The following NCOA3 variants were observed in gnomAD, a reference collection of about 807,000 sequenced individuals.
NCOA3 encodes the protein nuclear receptor coactivator 3.
Under a neutral mutation model 158.8 loss-of-function variants are expected in NCOA3, and 51 were observed. That is an observed-to-expected ratio of 0.32 (90% CI 0.26 to 0.41). NCOA3 has a LOEUF of 0.41. Ranked by LOEUF, NCOA3 falls within the 10% of genes least tolerant of loss-of-function variation. NCOA3 has a pLI of 1.00. For missense variants in NCOA3, 1,510 were observed against 1,746.6 expected (o/e 0.86, Z 2.41); for synonymous variants, 537 against 592.4 (o/e 0.91, Z 1.36).
At chr20:47,530,000 G>A (rs567700957) in intron 1 of NCOA3, among the ~76,000 whole-genome samples, 81 of 152,294 alleles carry the variant, frequency 5.3e-4, no homozygotes, top group Middle Eastern at 3.4e-3. Flanking sequence ...ATGCAGGCAC[G>A]CTTATACTGC....
At position 47,640,062 on chromosome 20, in the gene NCOA3, A is replaced by C. The variant is rs760853046; in HGVS notation, c.3080+11A>C. On this transcript the variant is annotated intron_variant, in intron 16 of 22. Transcript: ENST00000371998. ...TGGCACTCAAAATAGGTGGGGTGTT[A>C]TTTTGTGACTCTGTAGAAAATCTCA... The C allele has an allele frequency of 1.2e-6, 2 of 1,614,074 alleles. No individual in the cohort carries two copies. Among genetic ancestry groups the C allele is most frequent in the Non-Finnish European group, 1.7e-6 (2 of 1,179,988 alleles).
chr20:47,534,388 G>A (rs1182728627), intron 1 of NCOA3, among the ~76,000 whole-genome samples: 1 of 152,036 alleles, frequency 6.6e-6, no homozygotes, highest in Non-Finnish European at 1.5e-5. Context: ...CCCACCACAA[G>A]ATGCTATATA....
At chr20:47,650,588 GCA>G (rs1361612153) in intron 19 of NCOA3, among the ~76,000 whole-genome samples, 1 of 151,834 alleles carries the variant, frequency 6.6e-6, no homozygotes, top group Non-Finnish European at 1.5e-5. Flanking sequence ...GTTTTGGCCG[GCA>G]CAGTGGCTCA....
At chr20:47,640,445 A>C (rs1321979361) in intron 16 of NCOA3, among the ~76,000 whole-genome samples, 1 of 152,268 alleles carries the variant, frequency 6.6e-6, no homozygotes, top group Admixed American at 6.5e-5. Flanking sequence ...CTTTTTTAAA[A>C]AAACTTTTCT....
chr20:47,595,465 G>A (rs1226009108), intron 2 of NCOA3, among the ~76,000 whole-genome samples: 1 of 152,138 alleles, frequency 6.6e-6, no homozygotes, highest in African/African-American at 2.4e-5. Context: ...CTTGGCTGGC[G>A]CTTAACTTGC....
At chr20:47,537,301 A>C (rs984277864) in intron 1 of NCOA3, among the ~76,000 whole-genome samples, 8 of 152,142 alleles carry the variant, frequency 5.3e-5, no homozygotes, top group Non-Finnish European at 8.8e-5. Context: ...TAGCGTTGTA[A>C]AGAACTTATC....
intron 1 of NCOA3, among the ~76,000 whole-genome samples, chr20:47,530,003 T>C (rs1341839295): frequency 6.6e-6 from 1 of 152,252 alleles, no homozygotes; most frequent in African/African-American, 2.4e-5. Flanking sequence ...CAGGCACGCT[T>C]ATACTGCTGG....
At chr20:47,593,334 A>ATT (rs71183267) in intron 2 of NCOA3, among the ~76,000 whole-genome samples, 1,967 of 63,730 alleles carry the variant, frequency 0.031, 499 homozygotes, top group African/African-American at 0.1. Context: ...GAGTTGATGG[A>ATT]TTTTTTTTTT....
At chr20:47,574,395 T>C (rs531118320) in intron 1 of NCOA3, among the ~76,000 whole-genome samples, 1 of 152,156 alleles carries the variant, frequency 6.6e-6, no homozygotes, top group African/African-American at 2.4e-5. Flanking sequence ...ACAGAGTAAT[T>C]ACTATGGTTT....
At position 47,633,149 on chromosome 20, in the gene NCOA3, C is replaced by T. The variant is rs187823184; in HGVS notation, c.824-347C>T. Among the ~76,000 whole-genome samples the T allele has an allele frequency of 4.4e-3, 667 of 152,304 alleles. 4 individuals are homozygous for T. The highest frequency in any genetic ancestry group is 7.0e-3 in the Non-Finnish European group (479 of 68,040). On this transcript the variant is annotated intron_variant, in intron 8 of 22. Coordinates refer to ENST00000371998, the MANE Select transcript of NCOA3 (RefSeq NM_181659.3). The stretch of plus-strand genomic sequence containing the variant: ...GATCTAGAGACCCCACCCTAAGTCT[C>T]CTCATCAGCATAAATTGAGGTGTGT...
At chr20:47,522,818 G>T (rs1339657569) in intron 1 of NCOA3, among the ~76,000 whole-genome samples, 2 of 151,706 alleles carry the variant, frequency 1.3e-5, no homozygotes, top group African/African-American at 2.4e-5. Context: ...CTAATGGCCT[G>T]CATTTGCATA....
Position 47,649,478 on chromosome 20 carries a change from AAATTATAAAGAAGAAAAT to A in NCOA3, c.3651+372_3651+389del, listed in dbSNP as rs370440251. On this transcript the variant is annotated intron_variant, in intron 19 of 22. Transcript: ENST00000371998. ...AACATGCACACTGGGTAAAATTCTG[AAATTATAAAGAAGAAAAT>A]AAAGAATACATAATCCTGTTCTCAG... 1.6e-4 allele frequency among the ~76,000 whole-genome samples: 25 copies of A among 152,328 alleles called. No homozygotes were observed. The Middle Eastern group carries it at 0.01, about 62-fold the overall frequency.
At chr20:47,613,215 T>C (rs2086070945) in intron 2 of NCOA3, among the ~76,000 whole-genome samples, 1 of 152,224 alleles carries the variant, frequency 6.6e-6, no homozygotes. Context: ...ACTGAAGTTG[T>C]ACTGTTTTCT....
intron 1 of NCOA3, among the ~76,000 whole-genome samples, chr20:47,565,041 G>A (rs3092785): frequency 0.018 from 2,783 of 152,184 alleles, 90 homozygotes; most frequent in African/African-American, 0.063. Context: ...AAGTGCAGTG[G>A]CACGATCTCG....
chr20:47,627,874 A>ATG, intron 7 of NCOA3, 48 bp from the exon 8 acceptor site: 1 of 1,586,776 alleles, frequency 6.3e-7, no homozygotes, highest in Non-Finnish European at 8.6e-7. Flanking sequence ...GAACATATAT[A>ATG]TCCAAAAGTT....
chr20:47,510,447 A>AAAAAAAAAAT (rs2084102097), intron 1 of NCOA3, among the ~76,000 whole-genome samples: 2 of 150,336 alleles, frequency 1.3e-5, no homozygotes, highest in Non-Finnish European at 3.0e-5. Flanking sequence ...AAAAAAAAAA[A>AAAAAAAAAAT]GTACACGATC....
chr20:47,555,632 GTTTT>G (rs74178745), intron 1 of NCOA3, among the ~76,000 whole-genome samples: 1 of 64,152 alleles, frequency 1.6e-5, no homozygotes, highest in African/African-American at 6.7e-5. Context: ...CTATTAAAGT[GTTTT>G]TTTTTTTTTT....
At chr20:47,636,889 T>C in intron 12 of NCOA3, 127 bp downstream of exon 12, 1 of 876,556 alleles carries the variant, frequency 1.1e-6, no homozygotes, top group Non-Finnish European at 1.7e-6. Context: ...CATTTCTTTA[T>C]AATTATTTTG....
intron 1 of NCOA3, among the ~76,000 whole-genome samples, chr20:47,543,082 G>A (rs1341691513): frequency 1.3e-5 from 2 of 152,170 alleles, no homozygotes; most frequent in African/African-American, 4.8e-5. Flanking sequence ...CTCTTAATGG[G>A]TTGCAGTCAT....
Sources: allele counts gnomAD v4.1 joint callset (sites outside exome capture counted in the v4.1 genomes callset), GRCh38; gene constraint gnomAD v4.1.1; transcripts MANE v1.5; gene names NCBI Gene and HGNC (gene_info 2026-07-23, HGNC 2026-07-21).